Variants in CAPN12 observed in about 807,000 individuals in gnomAD.
CAPN12 encodes calpain-12.
A neutral mutation model predicts 95.0 loss-of-function variants in CAPN12; 107 were observed. That is an observed-to-expected ratio of 1.13 (90% CI 0.96 to 1.32). The LOEUF (loss-of-function observed/expected upper bound fraction) is 1.32, where lower values mean the gene tolerates loss of function less well. Ranked by LOEUF, CAPN12 falls within the 40% of genes most tolerant of loss-of-function variation. The pLI is 0.00. For missense variants in CAPN12, 1,136 were observed against 997.8 expected (o/e 1.14, Z -1.87); for synonymous variants, 505 against 415.5 (o/e 1.22, Z -2.62).
chr19:38,739,535 CAAAAG>C (rs79416585), intron 5 of CAPN12: 8,475 of 145,776 alleles, frequency 0.058, 253 homozygotes, highest in South Asian at 0.1. Flanking sequence ...GAAACAGACA[CAAAAG>C]AAAAAGAGAA....
chr19:38,736,906 A>ACC, intron 10 of CAPN12: 1 of 152,916 alleles, frequency 6.5e-6, no homozygotes, highest in Non-Finnish European at 1.0e-5. Context: ...CTGGCCCCCC[A>ACC]GCCCTACTAG....
Position 38,742,891 on chromosome 19 carries a change from A to AG in CAPN12, c.307+141dup, listed in dbSNP as rs1195601264. ...AAAAAAAGGAAGGAAGGAAGGAGGGAGGAGGGAGAGAGAGGCCTAGGGAGA... is the reference window on the plus strand; with the variant it reads ...AAAAAAAGGAAGGAAGGAAGGAGGGAGGGAGGGAGAGAGAGGCCTAGGGAGA... On this transcript the variant is annotated intron_variant, in intron 2 of 20. Transcript: ENST00000328867. 5 of 327,084 alleles carry AG rather than the reference A, an allele frequency of 1.5e-5. No individual in the cohort carries two copies. In the East Asian group the frequency reaches 3.2e-4, roughly 21 times the overall value. The allele number at this position is 327,084 out of a possible 1,614,324, so 20.3% of individuals were successfully genotyped here.
At chr19:38,742,255 C>T (rs1350609865) in intron 3 of CAPN12, 155 bp downstream of exon 3, 7 of 655,502 alleles carry the variant, frequency 1.1e-5, no homozygotes, top group East Asian at 2.8e-5. Context: ...AACCTGGGGG[C>T]GGGGCGAAGG....
At chr19:38,741,281 T>C (rs1970528549) in intron 4 of CAPN12, among the ~76,000 whole-genome samples, 1 of 151,910 alleles carries the variant, frequency 6.6e-6, no homozygotes, top group Admixed American at 6.6e-5. Context: ...GGTTTAAGAT[T>C]TGAAGGTACA....
rs370413987 is a variant in CAPN12, at chr19:38,738,411, A to G, written c.890+7T>C. On this transcript the variant is annotated splice_region_variant and intron_variant, in intron 7 of 20. Transcript: ENST00000328867. ...CCAGCCCCACACCCACCCCAGACCC[A>G]TCCCACCTGTCGCTCCAGGCCCCCG... is the stretch of plus-strand genomic sequence containing the variant. 1 of 1,603,748 alleles carries G rather than the reference A, an allele frequency of 6.2e-7. No homozygotes were observed. The highest frequency in any genetic ancestry group is 1.1e-5 in the South Asian group (1 of 90,820).
chr19:38,734,545 G>T, intron 15 of CAPN12, 156 bp from the exon 16 acceptor site: 1 of 714,498 alleles, frequency 1.4e-6, no homozygotes, highest in Non-Finnish European at 2.3e-6. Context: ...GCCTAGCAGA[G>T]CTGGGATTCA....
At chr19:38,734,697 T>C in intron 15 of CAPN12, 116 bp downstream of exon 15, 1 of 946,830 alleles carries the variant, frequency 1.1e-6, no homozygotes, top group Non-Finnish European at 1.6e-6. Context: ...GAGCCCTGGC[T>C]TCCTGAGCCC....
At position 38,740,083 on chromosome 19, in the gene CAPN12, C is replaced by A; in HGVS notation, c.697G>T (p.Ala233Ser). The change falls in exon 5 of 21, where the codon GCC (alanine) becomes TCC (serine). Residue 233 changes from alanine (A) to serine (S), a missense_variant. Ala to Ser is a moderately conservative substitution (Grantham distance 99). Transcript: ENST00000328867. ...GLFSALRHAL[A>S]KESLVGATAL... ...GTGGCGCCCACGAGGGACTCCTTGGCCAGGGCATGGCGCAGGGCAGAGAAC... is the reference window on the plus strand; with the variant it reads ...GTGGCGCCCACGAGGGACTCCTTGGACAGGGCATGGCGCAGGGCAGAGAAC... 1 of 1,606,030 alleles carries A rather than the reference C, an allele frequency of 6.2e-7. No individual in the cohort carries two copies. The highest frequency in any genetic ancestry group is 8.5e-7 in the Non-Finnish European group (1 of 1,175,818).
At chr19:38,736,473 CAAG>C in intron 11 of CAPN12, 76 bp downstream of exon 11, 3 of 488,798 alleles carry the variant, frequency 6.1e-6, no homozygotes, top group East Asian at 1.3e-4. Context: ...GCAGTTTGAC[CAAG>C]CCCCAGGGCA....
Position 38,741,860 on chromosome 19 carries a change from G to C in CAPN12, c.477C>G (p.Pro159=). The change falls in exon 4 of 21, where the codon CCC becomes CCG. Residue 159 remains proline, a synonymous_variant. Coordinates refer to ENST00000328867, the MANE Select transcript of CAPN12 (RefSeq NM_144691.4). The part of the protein sequence containing the change: ...WMDVVVDDRL[P]VREGKLMFVR... ...CGAACATCAGCTTCCCCTCACGCAC[G>C]GGCAGCCTGTCATCCACCACGACGT... 4 of 1,614,034 alleles carry C rather than the reference G, an allele frequency of 2.5e-6. No homozygotes were observed. Among genetic ancestry groups the C allele is most frequent in the South Asian group, 2.2e-5 (2 of 91,066 alleles).
intron 18 of CAPN12, among the ~76,000 whole-genome samples, chr19:38,732,240 T>C (rs1312521263): frequency 6.6e-6 from 1 of 152,254 alleles, no homozygotes; most frequent in Non-Finnish European, 1.5e-5. Flanking sequence ...CCTCCACTCC[T>C]GTCTATCTCC....
Position 38,741,780 on chromosome 19 carries a change from G to A in CAPN12, c.557C>T (p.Ala186Val). The A allele has an allele frequency of 6.2e-7, 1 of 1,613,970 alleles. No homozygotes were observed. The highest frequency in any genetic ancestry group is 1.6e-4 in the Middle Eastern group (1 of 6,062). Residue 186 changes from alanine to valine, a missense_variant, in exon 4 of 21, where the codon GCC becomes GTC. By Grantham distance (64) the Ala-to-Val change is moderately conservative. Transcript: ENST00000328867. Reference sequence around the variant, plus strand: ...TGGTTGGAACTGGGGTCCTCACTTGGCGTAGGCCTTCTCCAGGAGTGGGGC... The same window carrying A: ...TGGTTGGAACTGGGGTCCTCACTTGACGTAGGCCTTCTCCAGGAGTGGGGC... ...FWAPLLEKAYAKLHGSYEVMR... is the reference protein window; with the variant it reads ...FWAPLLEKAYVKLHGSYEVMR...
In CAPN12 at chr19:38,737,590, GC is replaced by G. The variant is rs758025453; in HGVS notation, c.1013del (p.Cys338SerfsTer3). On this transcript the variant is annotated frameshift_variant, in exon 9 of 21. Transcript: ENST00000328867. LOFTEE classifies it high-confidence loss of function. Reference protein sequence around the residue: ...FLLHFDTVQICSLSPEVLGPS... With the variant: ...FLLHFDTVQIXSLSPEVLGPS... ...GGCCCAGCACCTCCGGGCTCAGCGA[GC>G]AGATCTGCACGGTGTCGAAATGGAG... is the stretch of plus-strand genomic sequence containing the variant. 1.9e-5 allele frequency: 31 copies of G among 1,611,914 alleles called. No individual in the cohort carries two copies. In the African/African-American group the frequency reaches 4.0e-4, roughly 21 times the overall value.
Position 38,730,898 on chromosome 19 carries a change from CAG to C in CAPN12, c.2134-22_2134-21del, listed in dbSNP as rs764457209. The C allele has an allele frequency of 1.9e-6, 3 of 1,551,208 alleles. No homozygotes were observed. The highest frequency in any genetic ancestry group is 1.7e-6 in the Non-Finnish European group (2 of 1,147,284). On this transcript the variant is annotated intron_variant, in intron 20 of 20. Transcript: ENST00000328867. ...CATCCACTAAGGAAGAGAAGGAAGACAGTGGCTTGAGGCAGGGAGCTCGCAGG... is the reference window on the plus strand; with the variant it reads ...CATCCACTAAGGAAGAGAAGGAAGACTGGCTTGAGGCAGGGAGCTCGCAGG...
chr19:38,742,965 A>G, intron 2 of CAPN12, 68 bp downstream of exon 2: 1 of 1,485,654 alleles, frequency 6.7e-7, no homozygotes, highest in South Asian at 1.1e-5. Flanking sequence ...GGACAAAGGG[A>G]TGGAGCTGTC....
chr19:38,734,506 C>G (rs1969872595), intron 15 of CAPN12, 117 bp from the exon 16 acceptor site: 1 of 908,102 alleles, frequency 1.1e-6, no homozygotes, highest in African/African-American at 1.7e-5. Flanking sequence ...ATTATAGAAG[C>G]CGAGGCACAG....
rs776903668 is a variant in CAPN12, at chr19:38,744,147, T to G, written c.19A>C (p.Arg7=). The part of the protein sequence containing the change: MASSSG[R]VTIQLVDEEA... ...TCATCCACGAGCTGGATGGTGACCC[T>G]CCCACTGCTGGATGCCATCTGGACA... is the stretch of plus-strand genomic sequence containing the variant. The change falls in exon 1 of 21, where the codon AGG becomes CGG. Residue 7 remains arginine (R), a synonymous_variant. Coordinates refer to ENST00000328867, the MANE Select transcript of CAPN12 (RefSeq NM_144691.4). 6.2e-7 allele frequency: 1 copy of G among 1,613,910 alleles called. No homozygotes were observed. Among genetic ancestry groups the G allele is most frequent in the South Asian group, 1.1e-5 (1 of 91,076 alleles).
In CAPN12 at chr19:38,735,432, G is replaced by GAT. The variant is rs1969957889; in HGVS notation, c.1627-4_1627-3insAT. 1 of 1,610,820 alleles carries GAT rather than the reference G, an allele frequency of 6.2e-7. No homozygotes were observed. The highest frequency in any genetic ancestry group is 8.5e-7 in the Non-Finnish European group (1 of 1,179,022). On this transcript the variant is annotated splice_polypyrimidine_tract_variant and splice_region_variant and intron_variant, in intron 13 of 20. Coordinates refer to ENST00000328867, the MANE Select transcript of CAPN12 (RefSeq NM_144691.4). ...AGCTCCAGGGGCAGGTAGGGGCCCTGCCGCATGGCGGAAGTTTAGCGCTGG... is the reference window on the plus strand; with the variant it reads ...AGCTCCAGGGGCAGGTAGGGGCCCTGATCCGCATGGCGGAAGTTTAGCGCTGG...
At chr19:38,736,028 G>A in intron 12 of CAPN12, 82 bp downstream of exon 12, 1 of 734,154 alleles carries the variant, frequency 1.4e-6, no homozygotes, top group Non-Finnish European at 1.9e-6. Flanking sequence ...GGTCTCGGGG[G>A]TCTCGGGGGT....
Sources: allele counts gnomAD v4.1 joint callset (sites outside exome capture counted in the v4.1 genomes callset), GRCh38; gene constraint gnomAD v4.1.1; transcripts MANE v1.5; gene names NCBI Gene and HGNC (gene_info 2026-07-23, HGNC 2026-07-21).